PTK2: variants seen among roughly 807,000 people sequenced by gnomAD.
PTK2 encodes focal adhesion kinase 1.
In PTK2, 45 loss-of-function variants were observed where a neutral mutation model predicts 150.1. That is an observed-to-expected ratio of 0.30 (90% CI 0.24 to 0.38). The LOEUF is 0.38. Ranked by LOEUF, PTK2 falls within the 10% of genes least tolerant of loss-of-function variation. The pLI is 1.00. For missense variants in PTK2, 919 were observed against 1,307.3 expected (o/e 0.70, Z 4.58); for synonymous variants, 432 against 449.2 (o/e 0.96, Z 0.48).
At chr8:140,995,395 A>AG (rs2100197282) in intron 1 of PTK2, among the ~76,000 whole-genome samples, 1 of 151,364 alleles carries the variant, frequency 6.6e-6, no homozygotes, top group African/African-American at 2.4e-5. Context: ...AAAAAAAAAA[A>AG]AAAAGAAAAG....
chr8:140,890,431 GA>G (rs1305420825), intron 3 of PTK2, 111 bp downstream of exon 3: 3 of 854,552 alleles, frequency 3.5e-6, no homozygotes, highest in South Asian at 3.9e-5. Context: ...TCTGTAATAT[GA>G]AAAGTCCCCG....
intron 1 of PTK2, among the ~76,000 whole-genome samples, chr8:140,978,185 G>A (rs2100190018): frequency 6.6e-6 from 1 of 152,176 alleles, no homozygotes; most frequent in African/African-American, 2.4e-5. Context: ...ATACCATTCA[G>A]GACATAGGCA....
chr8:140,865,967 T>G (rs950521408), intron 4 of PTK2, among the ~76,000 whole-genome samples: 5 of 152,244 alleles, frequency 3.3e-5, no homozygotes, highest in Admixed American at 2.6e-4. Context: ...GTATTTTTAG[T>G]AGGGCTGGGG....
At chr8:140,725,792 AC>A (rs1243704959) in intron 22 of PTK2, among the ~76,000 whole-genome samples, 6 of 151,524 alleles carry the variant, frequency 4.0e-5, no homozygotes, top group African/African-American at 1.5e-4. Context: ...AGGCTCTGCT[AC>A]CTACCCATCA....
chr8:140,755,177 C>A (rs1035599786), intron 16 of PTK2, among the ~76,000 whole-genome samples: 1 of 151,786 alleles, frequency 6.6e-6, no homozygotes, highest in Non-Finnish European at 1.5e-5. Context: ...TTTAAGGCTG[C>A]GAATAATAAT....
intron 4 of PTK2, among the ~76,000 whole-genome samples, chr8:140,869,774 A>G (rs1283393507): frequency 6.6e-6 from 1 of 152,134 alleles, no homozygotes; most frequent in African/African-American, 2.4e-5. Flanking sequence ...GGCACTAGGT[A>G]CTGGTAACAG....
chr8:140,966,829 GAACCCTTTTCCCTTTT>G (rs1055628525), intron 1 of PTK2, among the ~76,000 whole-genome samples: 5 of 152,142 alleles, frequency 3.3e-5, no homozygotes, highest in African/African-American at 1.2e-4. Flanking sequence ...GGGCTGCTCT[GAACCCTTTTCCCTTTT>G]AACCTACAAA....
intron 1 of PTK2, among the ~76,000 whole-genome samples, chr8:140,966,836 T>C (rs2100185494): frequency 6.6e-6 from 1 of 152,158 alleles, no homozygotes; most frequent in South Asian, 2.1e-4. Context: ...TCTGAACCCT[T>C]TTCCCTTTTA....
At chr8:140,679,542 G>T (rs909357994) in intron 27 of PTK2, among the ~76,000 whole-genome samples, 1 of 152,100 alleles carries the variant, frequency 6.6e-6, no homozygotes, top group Non-Finnish European at 1.5e-5. Context: ...GCTAGGCCTC[G>T]TGCATGGTTC....
intron 1 of PTK2, among the ~76,000 whole-genome samples, chr8:140,957,971 G>A (rs1415061167): frequency 1.3e-5 from 2 of 152,182 alleles, no homozygotes. Flanking sequence ...AATCCACAGT[G>A]ATAGATTTTA....
intron 15 of PTK2, among the ~76,000 whole-genome samples, chr8:140,763,535 T>C (rs1275339065): frequency 3.9e-5 from 6 of 151,934 alleles, no homozygotes; most frequent in African/African-American, 1.5e-4. Flanking sequence ...GCAAATGAAA[T>C]TTCAAGAGTT....
chr8:140,876,105 G>C (rs1412750741), intron 4 of PTK2, among the ~76,000 whole-genome samples: 1 of 151,692 alleles, frequency 6.6e-6, no homozygotes, highest in Non-Finnish European at 1.5e-5. Flanking sequence ...TTCCCTTTCT[G>C]CTTATGTTTT....
intron 22 of PTK2, among the ~76,000 whole-genome samples, chr8:140,733,827 A>T (rs2100050985): frequency 6.6e-6 from 1 of 152,104 alleles, no homozygotes; most frequent in East Asian, 1.9e-4. Context: ...CCGGTGTGTG[A>T]GAGTTATGGG....
chr8:140,949,612 C>T (rs912287800), intron 1 of PTK2, among the ~76,000 whole-genome samples: 1 of 152,234 alleles, frequency 6.6e-6, no homozygotes, highest in African/African-American at 2.4e-5. Flanking sequence ...GACACACCAG[C>T]CCCCTGCCGC....
At chr8:140,889,460 C>G (rs377126464) in intron 3 of PTK2, among the ~76,000 whole-genome samples, 1 of 152,182 alleles carries the variant, frequency 6.6e-6, no homozygotes, top group Admixed American at 6.5e-5. Context: ...AACTCCTGAC[C>G]TCAAGTGACC....
chr8:140,981,711 T>G (rs991135665), intron 1 of PTK2, among the ~76,000 whole-genome samples: 1 of 152,238 alleles, frequency 6.6e-6, no homozygotes, highest in African/African-American at 2.4e-5. Context: ...AGCCAGCTCA[T>G]TCCTTTACAT....
At chr8:140,803,213 C>G (rs1042788111) in intron 11 of PTK2, among the ~76,000 whole-genome samples, 7 of 151,588 alleles carry the variant, frequency 4.6e-5, no homozygotes, top group African/African-American at 1.7e-4. Flanking sequence ...CAGGGTTTCA[C>G]CATGTGAACC....
In PTK2 at chr8:140,854,976, T is replaced by C. The variant is rs549612420; in HGVS notation, c.451-8298A>G. On this transcript the variant is annotated intron_variant, in intron 5 of 31. Coordinates refer to ENST00000522684, the Ensembl canonical transcript of PTK2. Reference sequence around the variant, plus strand: ...TTCTGCACTGGCTAAACCAAATATATATATGTATGTATAAAATATATGTAT... The same window carrying C: ...TTCTGCACTGGCTAAACCAAATATACATATGTATGTATAAAATATATGTAT... 1.1e-4 allele frequency among the ~76,000 whole-genome samples: 17 copies of C among 152,252 alleles called. No individual in the cohort carries two copies. In the South Asian group the frequency reaches 2.1e-3, roughly 19 times the overall value.
intron 14 of PTK2, among the ~76,000 whole-genome samples, chr8:140,789,009 G>A (rs929435147): frequency 2.0e-5 from 3 of 152,092 alleles, no homozygotes; most frequent in Non-Finnish European, 4.4e-5. Context: ...CCAGCAAATA[G>A]TTAAGACAAT....
Sources: allele counts gnomAD v4.1 joint callset (sites outside exome capture counted in the v4.1 genomes callset), GRCh38; gene constraint gnomAD v4.1.1; transcripts MANE v1.5; gene names NCBI Gene and HGNC (gene_info 2026-07-23, HGNC 2026-07-21).